The following ALDH1A3 variants were observed in gnomAD, a reference collection of about 807,000 sequenced individuals.
ALDH1A3 encodes aldehyde dehydrogenase 1 family member A3.
ALDH1A3 carries 28 observed loss-of-function variants against 57.5 expected under a neutral mutation model. That is an observed-to-expected ratio of 0.49 (90% confidence interval 0.36 to 0.67). ALDH1A3 has a LOEUF of 0.67. Ranked by LOEUF, ALDH1A3 falls within the 30% of genes least tolerant of loss-of-function variation. The pLI is 0.00. For synonymous variants in ALDH1A3, 281 were observed against 264.8 expected (o/e 1.06, Z -0.59); for missense variants, 507 against 669.4 (o/e 0.76, Z 2.68).
chr15:100,899,312 C>T (rs1169360364), intron 8 of ALDH1A3, among the ~76,000 whole-genome samples: 1 of 152,178 alleles, frequency 6.6e-6, no homozygotes, highest in African/African-American at 2.4e-5. Context: ...TTTGGAGTCC[C>T]AAACAGCCAG....
rs1274190118 is a variant in ALDH1A3 at position 100,916,030 on chromosome 15, C to A, written c.*1257C>A. Reference sequence around the variant, plus strand: ...TATCCGACGGATACTTTTATGGTTACTAACTAGTACTTTCCTAATTGGGAA... The same window carrying A: ...TATCCGACGGATACTTTTATGGTTAATAACTAGTACTTTCCTAATTGGGAA... On this transcript the variant is annotated 3_prime_UTR_variant, in exon 13 of 13. Transcript: ENST00000329841. 2 of 152,180 alleles carry A rather than the reference C, an allele frequency of 1.3e-5. No homozygotes were observed. Among genetic ancestry groups the A allele is most frequent in the Non-Finnish European group, 2.9e-5 (2 of 68,040 alleles). 9.4% of individuals were successfully genotyped at this position (152,180 alleles called of 1,614,324 possible). A position where few individuals can be genotyped will look rare whatever the true frequency, so the allele number is the denominator to read the frequency against.
chr15:100,892,869 T>G lies in ALDH1A3; in HGVS notation c.476-76T>G, dbSNP rs567221959. 9.4e-5 allele frequency: 142 copies of G among 1,514,908 alleles called. 2 individuals carry two copies. The South Asian group carries it at 1.6e-3, about 17-fold the overall frequency. The allele number at this position is 1,514,908 out of a possible 1,614,324, so 93.8% of individuals were successfully genotyped here. ...TCTGGCACCCTTGTTGGTTTCTTTC[T>G]TGTCTTTTTACTACTTGAAGTTCCT... On this transcript the variant is annotated intron_variant, in intron 4 of 12. Coordinates refer to ENST00000329841, the MANE Select transcript of ALDH1A3 (RefSeq NM_000693.4).
intron 12 of ALDH1A3, 123 bp downstream of exon 12, chr15:100,908,605 G>A: frequency 1.2e-6 from 1 of 856,638 alleles, no homozygotes; most frequent in Non-Finnish European, 1.9e-6. Context: ...GCTCTGTCTG[G>A]GCCAGCTGTG....
chr15:100,885,262 G>T lies in ALDH1A3; in HGVS notation c.100-5G>T, dbSNP rs770690467. ...CTAATTGGTTACACTTCCTTTCCTG[G>T]TTAGATATTTATCAACAATGAATGG... On this transcript the variant is annotated splice_region_variant and splice_polypyrimidine_tract_variant and intron_variant, in intron 1 of 12. Transcript: ENST00000329841. 39 of 1,600,574 alleles carry T rather than the reference G, an allele frequency of 2.4e-5. No homozygotes were observed. The highest frequency in any genetic ancestry group is 3.3e-5 in the Non-Finnish European group (38 of 1,167,944).
In ALDH1A3 at chr15:100,887,574, C is replaced by T. The variant is rs770866879; in HGVS notation, c.207C>T (p.Pro69=). The T allele has an allele frequency of 1.4e-5, 23 of 1,588,094 alleles. No homozygotes were observed. Among genetic ancestry groups the T allele is most frequent in the South Asian group, 9.1e-5 (8 of 87,760 alleles). Residue 69 remains proline (P), a splice_region_variant and synonymous_variant, in exon 3 of 13, where the codon CCC becomes CCT. Transcript: ENST00000329841. This position sits in a 1 kb window ranked among gnomAD's most constrained non-coding sequence, Gnocchi z 4.6. ...QICEVEEGDK[P]DVDKAVEAAQ... is the part of the protein sequence containing the mutation. ...TCTCTGTTGTTCTGGTCGCTCAGCC[C>T]GACGTGGACAAGGCTGTGGAGGCTG... is the stretch of plus-strand genomic sequence containing the variant.
intron 2 of ALDH1A3, among the ~76,000 whole-genome samples, chr15:100,885,613 A>C (rs1353122711): frequency 6.6e-6 from 1 of 151,780 alleles, no homozygotes. Context: ...GGATGACCTC[A>C]GCTATCCTCA....
At position 100,914,576 on chromosome 15, in the gene ALDH1A3, G is replaced by C. The variant is rs140601571; in HGVS notation, c.1467-125G>C. On this transcript the variant is annotated intron_variant, in intron 12 of 12. Coordinates refer to ENST00000329841, the MANE Select transcript of ALDH1A3 (RefSeq NM_000693.4). ...GTCCTGGCTATTATTCCATGAGGTC[G>C]TCACATTTTAACCTTTTGCATAAGC... 7.5e-6 allele frequency: 6 copies of C among 798,116 alleles called. 1 individual carries two copies. In the South Asian group the frequency reaches 1.1e-4, roughly 14 times the overall value. The allele number at this position is 798,116 out of a possible 1,614,324, so 49.4% of individuals were successfully genotyped here.
intron 1 of ALDH1A3, among the ~76,000 whole-genome samples, chr15:100,883,493 A>G (rs2141545588): frequency 6.6e-6 from 1 of 152,286 alleles, no homozygotes; most frequent in Admixed American, 6.5e-5. Flanking sequence ...CCAGACAGGC[A>G]AATCCCAATG....
rs1300249074 is a variant in ALDH1A3, at chr15:100,893,883, G to T, written c.538-71G>T. 1.3e-6 allele frequency: 2 copies of T among 1,554,148 alleles called. No individual in the cohort carries two copies. The highest frequency in any genetic ancestry group is 2.7e-5 in the African/African-American group (2 of 72,732). Reference sequence around the variant, plus strand: ...TGAAAAGCAAGTGTCCTCCACAAAGGCATCGTTGAGCACATGGGACAGGGT... The same window carrying T: ...TGAAAAGCAAGTGTCCTCCACAAAGTCATCGTTGAGCACATGGGACAGGGT... On this transcript the variant is annotated intron_variant, in intron 5 of 12. Transcript: ENST00000329841. The surrounding 1 kb of genome is among the most constrained non-coding windows in gnomAD (Gnocchi z 4.8).
intron 9 of ALDH1A3, 113 bp downstream of exon 9, chr15:100,900,872 T>C: frequency 8.5e-7 from 1 of 1,177,436 alleles, no homozygotes; most frequent in Non-Finnish European, 1.2e-6. Flanking sequence ...TGACCTGTCC[T>C]GCCCAGGAGG....
Position 100,879,988 on chromosome 15 carries a change from G to T in ALDH1A3, c.81G>T (p.Leu27=), listed in dbSNP as rs1239553543. 1.4e-6 allele frequency: 2 copies of T among 1,472,124 alleles called. No homozygotes were observed. The highest frequency in any genetic ancestry group is 1.5e-5 in the African/African-American group (1 of 68,200). 91.2% of individuals were successfully genotyped at this position (1,472,124 alleles called of 1,614,324 possible). A position where few individuals can be genotyped will look rare whatever the true frequency, so the allele number is the denominator to read the frequency against. ...CCCTGCCGCGCCCCATCCGCAACCT[G>T]GAGGTCAAGTTCACCAAGGTGAGGC... ...PPALPRPIRN[L]EVKFTKIFIN... The change falls in exon 1 of 13, where the codon CTG becomes CTT. Residue 27 remains leucine, a synonymous_variant. Coordinates refer to ENST00000329841, the MANE Select transcript of ALDH1A3 (RefSeq NM_000693.4).
chr15:100,883,758 T>G (rs570419647), intron 1 of ALDH1A3, among the ~76,000 whole-genome samples: 31 of 152,174 alleles, frequency 2.0e-4, no homozygotes, highest in African/African-American at 5.5e-4. Context: ...GCTGCATGGA[T>G]CAACCCATCA....
At chr15:100,903,170 C>T (rs1166846664) in intron 9 of ALDH1A3, among the ~76,000 whole-genome samples, 5 of 134,152 alleles carry the variant, frequency 3.7e-5, no homozygotes, top group African/African-American at 1.4e-4. Context: ...CCTTTGTACA[C>T]CTGGTTCTTA....
In ALDH1A3 at chr15:100,887,396, G is replaced by GCAGTCACCTCAAAAGATGACACCC; in HGVS notation, c.205-176_205-175insCAGTCACCTCAAAAGATGACACCC. ...TGCAGTCACCTCAAAAGATGACACC[G>GCAGTCACCTCAAAAGATGACACCC]AAACTGCAGTCACTTCAAAAGATGA... On this transcript the variant is annotated intron_variant, in intron 2 of 12. Transcript: ENST00000329841. This position sits in a 1 kb window ranked among gnomAD's most constrained non-coding sequence, Gnocchi z 4.6. Among the ~76,000 whole-genome samples the GCAGTCACCTCAAAAGATGACACCC allele has an allele frequency of 7.6e-6, 1 of 132,082 alleles. No homozygotes were observed. Among genetic ancestry groups the GCAGTCACCTCAAAAGATGACACCC allele is most frequent in the Non-Finnish European group, 1.6e-5 (1 of 61,908 alleles). 86.7% of individuals were successfully genotyped at this position (132,082 alleles called of 152,430 possible). A position where few individuals can be genotyped will look rare whatever the true frequency, so the allele number is the denominator to read the frequency against.
intron 9 of ALDH1A3, among the ~76,000 whole-genome samples, chr15:100,901,987 C>T (rs1475441641): frequency 2.0e-5 from 3 of 152,222 alleles, no homozygotes; most frequent in East Asian, 1.9e-4. Context: ...CCAAACCCAG[C>T]GGTCAGTGAC....
In ALDH1A3 at chr15:100,898,194, C is replaced by G. The variant is rs897657655; in HGVS notation, c.883+9C>G. 6.2e-7 allele frequency: 1 copy of G among 1,612,468 alleles called. No individual in the cohort carries two copies. The highest frequency in any genetic ancestry group is 8.5e-7 in the Non-Finnish European group (1 of 1,178,764). The stretch of plus-strand genomic sequence containing the variant: ...GTGTGCGGACGCTGACTGTGAGTCT[C>G]TGCCCTCCTGGGCTTTGCTGGGGCT... On this transcript the variant is annotated intron_variant, in intron 8 of 12. Transcript: ENST00000329841.
intron 1 of ALDH1A3, chr15:100,881,591 T>A (rs927529918): frequency 6.6e-6 from 1 of 152,330 alleles, no homozygotes; most frequent in Non-Finnish European, 1.5e-5. Context: ...AGGACACTTT[T>A]AAAGTGTAGA....
chr15:100,899,952 C>T (rs1176213925), intron 8 of ALDH1A3, among the ~76,000 whole-genome samples: 2 of 152,224 alleles, frequency 1.3e-5, no homozygotes, highest in Non-Finnish European at 2.9e-5. Context: ...CGGTTGAACA[C>T]TAGAAACCCC....
intron 2 of ALDH1A3, among the ~76,000 whole-genome samples, chr15:100,886,893 C>T (rs1275539803): frequency 6.6e-6 from 1 of 152,172 alleles, no homozygotes; most frequent in Admixed American, 6.5e-5. Flanking sequence ...AGGAATTTCC[C>T]CATTCTCACT....
Sources: gnomAD v4.1 joint callset for allele counts (sites outside exome capture counted in the v4.1 genomes callset) on GRCh38, gnomAD v4.1.1 for gene constraint, Gnocchi (gnomAD v3.1) non-coding constraint, MANE v1.5 for transcripts, NCBI Gene and HGNC (gene_info 2026-07-23, HGNC 2026-07-21) for gene names.